The following DEFB1 variants were observed in gnomAD, a reference collection of about 807,000 sequenced individuals.
The protein encoded by DEFB1 is defensin beta 1, also known as beta-defensin 1.
DEFB1 carries 4 observed loss-of-function variants against 2.6 expected under a neutral mutation model. That is an observed-to-expected ratio of 1.53 (90% CI 0.76 to 3.51). DEFB1 has a LOEUF of 3.51. Among genes scored for constraint, DEFB1 ranks in the 30% most tolerant of loss-of-function variants. The pLI is 0.01. For missense variants in DEFB1, 162 were observed against 76.9 expected (o/e 2.11, Z -4.14); for synonymous variants, 56 against 28.5 (o/e 1.96, Z -3.07).
At chr8:6,875,124 G>A (rs549560965) in intron 1 of DEFB1, among the ~76,000 whole-genome samples, 2 of 149,586 alleles carry the variant, frequency 1.3e-5, no homozygotes, top group African/African-American at 5.0e-5. Context: ...TTGCCAGATG[G>A]ATTGTAAGTC....
chr8:6,873,653 C>T (rs569113564), intron 1 of DEFB1, among the ~76,000 whole-genome samples: 6 of 151,596 alleles, frequency 4.0e-5, no homozygotes, highest in Admixed American at 6.6e-5. Context: ...GGGCTAAACA[C>T]TGAGACACTG....
chr8:6,874,114 G>GATATAC (rs1387489508), intron 1 of DEFB1, among the ~76,000 whole-genome samples: 7 of 135,990 alleles, frequency 5.1e-5, no homozygotes, highest in African/African-American at 2.1e-4. Context: ...TAGAATATCT[G>GATATAC]ACATACACAC....
intron 1 of DEFB1, among the ~76,000 whole-genome samples, chr8:6,877,421 C>T (rs1380366508): frequency 1.3e-5 from 2 of 152,242 alleles, no homozygotes; most frequent in African/African-American, 2.4e-5. Flanking sequence ...CACCCAGTGA[C>T]GTGGGCTGAG....
intron 1 of DEFB1, among the ~76,000 whole-genome samples, chr8:6,874,461 G>A (rs1237854049): frequency 5.9e-5 from 9 of 152,324 alleles, no homozygotes; most frequent in Middle Eastern, 6.8e-3. Flanking sequence ...TCAAAGGGCC[G>A]AGAATAGCCA....
intron 1 of DEFB1, among the ~76,000 whole-genome samples, chr8:6,873,139 C>T (rs1018898778): frequency 2.6e-4 from 40 of 152,138 alleles, no homozygotes; most frequent in African/African-American, 8.0e-4. Context: ...GGATGGACTT[C>T]GGAACTCAAT....
At chr8:6,871,248 C>T (rs970007047) in intron 1 of DEFB1, among the ~76,000 whole-genome samples, 2 of 152,236 alleles carry the variant, frequency 1.3e-5, no homozygotes, top group African/African-American at 4.8e-5. Context: ...TTCAGTTACG[C>T]TGTTCCCTCT....
chr8:6,876,845 C>CAAA (rs34563802), intron 1 of DEFB1, among the ~76,000 whole-genome samples: 2 of 57,922 alleles, frequency 3.5e-5, no homozygotes, highest in Admixed American at 1.5e-4. Flanking sequence ...AACCAAAAAC[C>CAAA]AAAAAAAAAA....
intron 1 of DEFB1, among the ~76,000 whole-genome samples, chr8:6,876,369 C>G (rs550153589): frequency 3.3e-5 from 5 of 152,182 alleles, no homozygotes; most frequent in African/African-American, 1.2e-4. Flanking sequence ...CCAGCTAACT[C>G]AGGAGGCTGA....
chr8:6,873,330 G>C (rs185720959), intron 1 of DEFB1, among the ~76,000 whole-genome samples: 1 of 152,196 alleles, frequency 6.6e-6, no homozygotes, highest in Admixed American at 6.5e-5. Context: ...TGCATAACCA[G>C]AACTAATTTC....
intron 1 of DEFB1, among the ~76,000 whole-genome samples, chr8:6,872,466 C>G (rs1158884823): frequency 5.3e-5 from 8 of 152,138 alleles, no homozygotes; most frequent in Admixed American, 2.0e-4. Flanking sequence ...AGAAGGTACT[C>G]TGTATTGATA....
chr8:6,874,987 A>AACAAAACAAAACAAAAC, intron 1 of DEFB1, among the ~76,000 whole-genome samples: 5 of 151,802 alleles, frequency 3.3e-5, no homozygotes, highest in African/African-American at 1.2e-4. Flanking sequence ...GTCTCAAAAA[A>AACAAAACAAAACAAAAC]AAAAAAAGTT....
chr8:6,877,073 C>G (rs887078032), intron 1 of DEFB1, among the ~76,000 whole-genome samples: 1 of 152,170 alleles, frequency 6.6e-6, no homozygotes, highest in South Asian at 2.1e-4. Flanking sequence ...TTCCCAGCCC[C>G]TCATTCTGCA....
chr8:6,875,526 T>C (rs1806491925), intron 1 of DEFB1, among the ~76,000 whole-genome samples: 1 of 152,230 alleles, frequency 6.6e-6, no homozygotes, highest in African/African-American at 2.4e-5. Flanking sequence ...GCCCAACTTA[T>C]TATTTATCAG....
intron 1 of DEFB1, among the ~76,000 whole-genome samples, chr8:6,876,986 A>G (rs184242097): frequency 6.0e-4 from 92 of 152,314 alleles, no homozygotes; most frequent in Admixed American, 4.3e-3. Flanking sequence ...TGCTGGATAC[A>G]GTGATGGCCT....
intron 1 of DEFB1, among the ~76,000 whole-genome samples, chr8:6,877,067 C>G (rs1806559222): frequency 6.6e-6 from 1 of 152,124 alleles, no homozygotes; most frequent in South Asian, 2.1e-4. Context: ...TCATCCTTCC[C>G]AGCCCCTCAT....
rs1178099295 is a variant in DEFB1 at position 6,877,849 on chromosome 8, A to C, written c.9T>G (p.Thr3=). 1 of 1,614,018 alleles carries C rather than the reference A, an allele frequency of 6.2e-7. No individual in the cohort carries two copies. Among genetic ancestry groups the C allele is most frequent in the Admixed American group, 1.7e-5 (1 of 60,022 alleles). ...AGAGAGTAAACAGCAGAAGGTAGGA[A>C]GTTCTCATGGCGACTGGCAGGCAAC... MR[T]SYLLLFTLCL... The change falls in exon 1 of 2, where the codon ACT becomes ACG. Residue 3 remains threonine, a synonymous_variant. Transcript: ENST00000297439.
chr8:6,875,138 A>G (rs1441073529), intron 1 of DEFB1, among the ~76,000 whole-genome samples: 2 of 151,964 alleles, frequency 1.3e-5, no homozygotes, highest in Non-Finnish European at 2.9e-5. Flanking sequence ...GTAAGTCTAA[A>G]TGTAAAAAGA....
intron 1 of DEFB1, among the ~76,000 whole-genome samples, chr8:6,872,633 C>T (rs1334435655): frequency 6.6e-6 from 1 of 152,166 alleles, no homozygotes; most frequent in Non-Finnish European, 1.5e-5. Context: ...TTGAGAGGCA[C>T]TCTGGTTCTC....
chr8:6,874,780 G>C (rs569791575), intron 1 of DEFB1, among the ~76,000 whole-genome samples: 8 of 152,220 alleles, frequency 5.3e-5, no homozygotes, highest in African/African-American at 1.7e-4. Flanking sequence ...TCAGGTATTT[G>C]AGACCAGCCT....
Sources: gnomAD v4.1 joint callset for allele counts (sites outside exome capture counted in the v4.1 genomes callset) on GRCh38, gnomAD v4.1.1 for gene constraint, MANE v1.5 for transcripts, NCBI Gene and HGNC (gene_info 2026-07-23, HGNC 2026-07-21) for gene names.